CHD3: variants seen among roughly 807,000 people sequenced by gnomAD.
The protein encoded by CHD3 is chromodomain helicase DNA binding protein 3.
In CHD3, 52 loss-of-function variants were observed where a neutral mutation model predicts 248.9. The observed-to-expected ratio is 0.21, with a 90% CI of 0.17 to 0.26. The LOEUF (loss-of-function observed/expected upper bound fraction) is 0.26. Ranked by LOEUF, CHD3 falls within the 10% of genes least tolerant of loss-of-function variation. CHD3 has a pLI of 1.00. For missense variants in CHD3, 1,482 were observed against 2,605.8 expected (o/e 0.57, Z 9.39); for synonymous variants, 985 against 985.2 (o/e 1.00, Z 0.00).
upstream of CHD3, chr17:7,884,982 A>G (rs1344951328): frequency 8.6e-7 from 1 of 1,169,378 alleles, no homozygotes; most frequent in Non-Finnish European, 1.1e-6. Context: ...CCGGGCCACG[A>G]CCGGGGCCGC....
At chr17:7,898,916 TA>T in intron 13 of CHD3, 94 bp from the exon 14 acceptor site, 1 of 1,109,124 alleles carries the variant, frequency 9.0e-7, no homozygotes, top group Non-Finnish European at 1.4e-6. Context: ...GAGGGAATTG[TA>T]ATCCAACTTG....
At chr17:7,885,997 C>T (rs1334151477), upstream of CHD3, among the ~76,000 whole-genome samples, 2 of 151,990 alleles carry the variant, frequency 1.3e-5, no homozygotes, top group South Asian at 4.1e-4. Context: ...GCTCTGGGCT[C>T]TTTTGTGTCA....
In CHD3 at chr17:7,911,558, C is replaced by T. The variant is rs376604597; in HGVS notation, c.5976C>T (p.Ala1992=). ...GGCTGGATCGGAAGGAGCCCCGAGC[C>T]GGGGAGGTGATCTGTATAGACGACT... ...SDGLDRKEPR[A]GEVICIDD Residue 1992 remains alanine, a synonymous_variant, in exon 40 of 40, where the codon GCC becomes GCT. Transcript: ENST00000330494. The surrounding 1 kb of genome is among the most constrained non-coding windows in gnomAD (Gnocchi z 5.4). 54 of 1,614,022 alleles carry T rather than the reference C, an allele frequency of 3.3e-5. No homozygotes were observed. The African/African-American group carries it at 3.9e-4, about 12-fold the overall frequency.
At chr17:7,898,125 T>C in intron 12 of CHD3, 23 bp downstream of exon 12, 1 of 1,611,688 alleles carries the variant, frequency 6.2e-7, no homozygotes, top group Non-Finnish European at 8.5e-7. Context: ...GCTTGTGGAT[T>C]CAAGGGATTC....
Position 7,904,718 on chromosome 17 carries a change from A to G in CHD3, c.4072+99A>G. The G allele has an allele frequency of 2.7e-6, 3 of 1,121,904 alleles. No individual in the cohort carries two copies. The highest frequency in any genetic ancestry group is 2.5e-6 in the Non-Finnish European group (2 of 791,008). The allele number at this position is 1,121,904 out of a possible 1,614,324, so 69.5% of individuals were successfully genotyped here. On this transcript the variant is annotated intron_variant, in intron 25 of 39. Transcript: ENST00000330494. This position sits in a 1 kb window ranked among gnomAD's most constrained non-coding sequence, Gnocchi z 4.4. ...TTAGAGGGAAAGAGAGAAGCCTAGA[A>G]GTCAGAGCCTTCCTCTGCTAAAAGG...
rs766562691 is a variant in CHD3 at position 7,907,292 on chromosome 17, G to A, written c.4788+45G>A. On this transcript the variant is annotated intron_variant, in intron 31 of 39. Transcript: ENST00000330494. This position sits in a 1 kb window ranked among gnomAD's most constrained non-coding sequence, Gnocchi z 4.3. The stretch of plus-strand genomic sequence containing the variant: ...CCCCTGTGGAGCGGGAGGGGAGGGG[G>A]CTTGGAGGCCAGGTACCTGGGAGCC... 6.2e-7 allele frequency: 1 copy of A among 1,613,622 alleles called. No homozygotes were observed. The highest frequency in any genetic ancestry group is 1.1e-5 in the South Asian group (1 of 91,032).
intron 2 of CHD3, 198 bp from the exon 3 acceptor site, chr17:7,890,373 G>C: frequency 2.3e-6 from 1 of 433,646 alleles, no homozygotes; most frequent in Non-Finnish European, 4.1e-6. Flanking sequence ...AGGTTGCAGT[G>C]AGCCGAGATC....
rs773170300 is a variant in CHD3, at chr17:7,903,340, G to A, written c.3564G>A (p.Ala1188=). Reference sequence around the variant, plus strand: ...TGATTTACCGGTTTGTGACTCGCGCGTCAGTGGAAGAGCGAATCACACAAG... The same window carrying A: ...TGATTTACCGGTTTGTGACTCGCGCATCAGTGGAAGAGCGAATCACACAAG... ...KVMIYRFVTR[A]SVEERITQVA... is the part of the protein sequence containing the mutation. Residue 1188 remains alanine, a synonymous_variant, in exon 23 of 40, where the codon GCG becomes GCA. Coordinates refer to ENST00000330494, the MANE Select transcript of CHD3 (RefSeq NM_001005273.3). This position sits in a 1 kb window ranked among gnomAD's most constrained non-coding sequence, Gnocchi z 6.8. The A allele has an allele frequency of 4.2e-5, 67 of 1,614,046 alleles. No homozygotes were observed. The highest frequency in any genetic ancestry group is 3.9e-4 in the African/African-American group (29 of 74,900).
chr17:7,902,931 T>A lies in CHD3; in HGVS notation c.3371-6T>A. On this transcript the variant is annotated splice_polypyrimidine_tract_variant and splice_region_variant and intron_variant, in intron 21 of 39. Transcript: ENST00000330494. The stretch of plus-strand genomic sequence containing the variant: ...AGAAAAACCTGATCCAACTCTCACC[T>A]CCTAGCTCCTGGGGCCCAACAATTC... 6.2e-7 allele frequency: 1 copy of A among 1,613,970 alleles called. No individual in the cohort carries two copies.
In CHD3 at chr17:7,905,554, G is replaced by T. The variant is rs568788886; in HGVS notation, c.4139-67G>T. The T allele has an allele frequency of 7.6e-6, 9 of 1,180,868 alleles. No individual in the cohort carries two copies. In the African/African-American group the frequency reaches 9.3e-5, roughly 12 times the overall value. The allele number at this position is 1,180,868 out of a possible 1,614,324, so 73.1% of individuals were successfully genotyped here. ...GTGTTGTGTATCTTGTGGGAATGGGGTGCTAAGGAGGACTGAGGCTTAGAG... is the reference window on the plus strand; with the variant it reads ...GTGTTGTGTATCTTGTGGGAATGGGTTGCTAAGGAGGACTGAGGCTTAGAG... On this transcript the variant is annotated intron_variant, in intron 26 of 39. Transcript: ENST00000330494. This position sits in a 1 kb window ranked among gnomAD's most constrained non-coding sequence, Gnocchi z 5.8.
At chr17:7,894,862 A>C (rs542856083) in intron 8 of CHD3, 55 bp from the exon 9 acceptor site, 1 of 1,596,642 alleles carries the variant, frequency 6.3e-7, no homozygotes, top group South Asian at 1.1e-5. Flanking sequence ...TGTATCTTCC[A>C]GTTTCATTCC....
rs1305373745 is a variant in CHD3, at chr17:7,907,589, C to G, written c.4925-12C>G. 1.3e-6 allele frequency: 2 copies of G among 1,511,154 alleles called. No homozygotes were observed. Among genetic ancestry groups the G allele is most frequent in the Non-Finnish European group, 1.8e-6 (2 of 1,132,284 alleles). 93.6% of individuals were successfully genotyped at this position (1,511,154 alleles called of 1,614,324 possible). A position where few individuals can be genotyped will look rare whatever the true frequency, so the allele number is the denominator to read the frequency against. On this transcript the variant is annotated splice_polypyrimidine_tract_variant and intron_variant, in intron 32 of 39. Transcript: ENST00000330494. The surrounding 1 kb of genome is among the most constrained non-coding windows in gnomAD (Gnocchi z 4.3). ...AACATCCTCCCTTCCTATCCCCTAC[C>G]CCCTCCCACAGCCACAGAGTCGACG...
rs753028982 is a variant in CHD3, at chr17:7,889,160, C to T, written c.100+60C>T. ...CTCTTGGCAAAAGGATGTCAGGGCCCCAGGGTGTTAGTGTGAGAACCCAGG... is the reference window on the plus strand; with the variant it reads ...CTCTTGGCAAAAGGATGTCAGGGCCTCAGGGTGTTAGTGTGAGAACCCAGG... On this transcript the variant is annotated intron_variant, in intron 1 of 39. Coordinates refer to ENST00000330494, the MANE Select transcript of CHD3 (RefSeq NM_001005273.3). This position sits in a 1 kb window ranked among gnomAD's most constrained non-coding sequence, Gnocchi z 4.5. 3 of 1,608,860 alleles carry T rather than the reference C, an allele frequency of 1.9e-6. No homozygotes were observed. Among genetic ancestry groups the T allele is most frequent in the Non-Finnish European group, 2.6e-6 (3 of 1,176,196 alleles).
In CHD3 at chr17:7,908,145, T is replaced by C; in HGVS notation, c.5152+126T>C. On this transcript the variant is annotated intron_variant, in intron 34 of 39. Coordinates refer to ENST00000330494, the MANE Select transcript of CHD3 (RefSeq NM_001005273.3). This position sits in a 1 kb window ranked among gnomAD's most constrained non-coding sequence, Gnocchi z 5.8. ...GTAACTTCCAATGAAGTATGTTGCA[T>C]GCTGACTCCGATCCTTGCTCTAAAT... The C allele has an allele frequency of 8.3e-7, 1 of 1,202,322 alleles. No homozygotes were observed. Among genetic ancestry groups the C allele is most frequent in the Non-Finnish European group, 1.2e-6 (1 of 854,334 alleles). The allele number at this position is 1,202,322 out of a possible 1,614,324, so 74.5% of individuals were successfully genotyped here. A position where few individuals can be genotyped will look rare whatever the true frequency, so the allele number is the denominator to read the frequency against.
chr17:7,886,640 G>C (rs1967995521), upstream of CHD3, among the ~76,000 whole-genome samples: 2 of 152,144 alleles, frequency 1.3e-5, no homozygotes, highest in South Asian at 4.1e-4. The surrounding 1 kb of genome is among the most constrained non-coding windows in gnomAD (Gnocchi z 4.2). Flanking sequence ...TTTTGAAAAA[G>C]TTCTCCCAGA....
chr17:7,888,742 G>C (rs1427626438), upstream of CHD3: 31 of 1,213,422 alleles, frequency 2.6e-5, no homozygotes, highest in Non-Finnish European at 3.3e-5. Context: ...GCGCGTGCGC[G>C]CGCGTGCTTT....
chr17:7,886,054 G>A (rs1967895966), upstream of CHD3, among the ~76,000 whole-genome samples: 1 of 152,116 alleles, frequency 6.6e-6, no homozygotes, highest in South Asian at 2.1e-4. This position sits in a 1 kb window ranked among gnomAD's most constrained non-coding sequence, Gnocchi z 4.2. Flanking sequence ...GTCTGGGGTG[G>A]CCAAGCTGCC....
upstream of CHD3, among the ~76,000 whole-genome samples, chr17:7,885,637 C>G (rs1967789032): frequency 6.6e-6 from 1 of 152,000 alleles, no homozygotes; most frequent in African/African-American, 2.4e-5. Context: ...GTGGGGTTTC[C>G]CCGCACGGAG....
At chr17:7,896,152 C>T (rs1040328397) in intron 10 of CHD3, among the ~76,000 whole-genome samples, 9 of 146,258 alleles carry the variant, frequency 6.2e-5, no homozygotes, top group African/African-American at 1.8e-4. Flanking sequence ...GGCGTGAACC[C>T]GGGAGGCGGA....
Sources: gnomAD v4.1 joint callset for allele counts (sites outside exome capture counted in the v4.1 genomes callset) on GRCh38, gnomAD v4.1.1 for gene constraint, Gnocchi (gnomAD v3.1) non-coding constraint, MANE v1.5 for transcripts, NCBI Gene and HGNC (gene_info 2026-07-23, HGNC 2026-07-21) for gene names.